RPS24: variants seen among roughly 807,000 people sequenced by gnomAD.
RPS24 encodes the protein small ribosomal subunit protein eS24.
For missense variants in RPS24, 100 were observed against 162.5 expected, an observed-to-expected ratio of 0.62 and a Z score of 2.09; for synonymous variants, 72 against 55.6, an observed-to-expected ratio of 1.30 and a Z score of -1.31.
downstream of RPS24, among the ~76,000 whole-genome samples, chr10:78,044,728 A>G (rs185816970): frequency 1.3e-5 from 2 of 150,904 alleles, no homozygotes; most frequent in East Asian, 3.9e-4. Flanking sequence ...GGTCCTGGTA[A>G]GAAACGAAGC....
chr10:78,054,733 A>G (rs1433648503), exon 5 of RPS24: 2 of 1,551,704 alleles, frequency 1.3e-6, no homozygotes, highest in South Asian at 2.4e-5. Flanking sequence ...ACCTGGAGGA[A>G]GACTGAAAAC....
intron 4 of RPS24, among the ~76,000 whole-genome samples, chr10:78,053,195 A>AAAG (rs1848117575): frequency 6.6e-6 from 1 of 151,510 alleles, no homozygotes; most frequent in African/African-American, 2.4e-5. Context: ...ACAAAAAAAA[A>AAAG]AAAAGAAAAG....
At chr10:78,051,466 T>A (rs1848097956) in intron 4 of RPS24, among the ~76,000 whole-genome samples, 1 of 152,266 alleles carries the variant, frequency 6.6e-6, no homozygotes, top group Non-Finnish European at 1.5e-5. Context: ...TTGTGTGGAT[T>A]TACCACGTCA....
downstream of RPS24, among the ~76,000 whole-genome samples, chr10:78,043,896 C>T (rs964293897): frequency 1.3e-5 from 2 of 152,132 alleles, no homozygotes; most frequent in African/African-American, 4.8e-5. Context: ...AGTGATGATC[C>T]TCTTGAAGTG....
intron 4 of RPS24, among the ~76,000 whole-genome samples, chr10:78,052,039 A>ATTTATTTG (rs1308661123): frequency 6.6e-6 from 1 of 151,638 alleles, no homozygotes; most frequent in Non-Finnish European, 1.5e-5. Context: ...TTATTTATTT[A>ATTTATTTG]TTTTGAGACA....
chr10:78,047,735 C>T (rs1489414990), intron 4 of RPS24, among the ~76,000 whole-genome samples: 2 of 152,190 alleles, frequency 1.3e-5, no homozygotes, highest in East Asian at 3.9e-4. Flanking sequence ...AAACAGCATT[C>T]CCCCTTTTGT....
chr10:78,042,684 T>C (rs1297707086), downstream of RPS24, among the ~76,000 whole-genome samples: 1 of 152,124 alleles, frequency 6.6e-6, no homozygotes, highest in Non-Finnish European at 1.5e-5. Context: ...GATGGGAAGC[T>C]GTGGCTTAGA....
At chr10:78,054,134 A>C (rs1002993324) in intron 4 of RPS24, among the ~76,000 whole-genome samples, 8 of 151,986 alleles carry the variant, frequency 5.3e-5, no homozygotes, top group Admixed American at 5.2e-4. Context: ...TGTTGGGCGA[A>C]TGGCCAGAGA....
chr10:78,037,571 C>A (rs1847899654), intron 4 of RPS24: 1 of 452,294 alleles, frequency 2.2e-6, no homozygotes, highest in Non-Finnish European at 3.9e-6. Flanking sequence ...TGGTGGGCAC[C>A]TTTCAAGCCT....
At position 78,033,910 on chromosome 10, in the gene RPS24, T is replaced by C. The variant is rs1281811720; in HGVS notation, c.3+6T>C. 2 of 1,614,032 alleles carry C rather than the reference T, an allele frequency of 1.2e-6. No homozygotes were observed. The highest frequency in any genetic ancestry group is 8.5e-7 in the Non-Finnish European group (1 of 1,179,942). On this transcript the variant is annotated splice_donor_region_variant and intron_variant, in intron 1 of 5. Coordinates refer to ENST00000372360, the MANE Select transcript of RPS24 (RefSeq NM_033022.4). ...GAAGATAGATCGCCATCATGGTGAG[T>C]CTCCCTGGGCCCGTGCAGTCATCTG...
At chr10:78,051,957 C>G (rs1324948908) in intron 4 of RPS24, among the ~76,000 whole-genome samples, 1 of 152,082 alleles carries the variant, frequency 6.6e-6, no homozygotes, top group Non-Finnish European at 1.5e-5. Context: ...GGATGCAAAT[C>G]TCTTATCAGA....
chr10:78,040,791 A>G (rs1001178190), downstream of RPS24: 194 of 884,236 alleles, frequency 2.2e-4, 5 homozygotes, highest in South Asian at 2.6e-3. Context: ...CACATGCTCC[A>G]TGAAGCATTC....
downstream of RPS24, among the ~76,000 whole-genome samples, chr10:78,043,961 C>CCCTT (rs10644861): frequency 0.18 from 27,891 of 152,002 alleles, 5,704 homozygotes; most frequent in African/African-American, 0.5. Flanking sequence ...TCATTTACCT[C>CCCTT]CCTCTCCCTT....
chr10:78,043,911 C>G (rs548243958), downstream of RPS24, among the ~76,000 whole-genome samples: 4 of 152,256 alleles, frequency 2.6e-5, no homozygotes, highest in African/African-American at 9.6e-5. Flanking sequence ...GAAGTGTCAT[C>G]AGAAGGTCAA....
At chr10:78,049,824 G>A (rs1027571513) in intron 4 of RPS24, among the ~76,000 whole-genome samples, 4 of 152,160 alleles carry the variant, frequency 2.6e-5, no homozygotes, top group African/African-American at 9.7e-5. Context: ...CTCTTCCATC[G>A]GCTGGGACTT....
chr10:78,038,167 A>G (rs974544473), intron 4 of RPS24: 11 of 305,214 alleles, frequency 3.6e-5, no homozygotes, highest in Non-Finnish European at 5.8e-5. Flanking sequence ...CACCAACCTA[A>G]TATGTTTTAA....
At chr10:78,050,301 C>A (rs751318036) in intron 4 of RPS24, among the ~76,000 whole-genome samples, 2 of 152,148 alleles carry the variant, frequency 1.3e-5, no homozygotes, top group Non-Finnish European at 2.9e-5. Flanking sequence ...TTCCCAGGGA[C>A]AAGATGCTGA....
At chr10:78,043,854 TATC>T (rs572924056), downstream of RPS24, among the ~76,000 whole-genome samples, 68 of 152,222 alleles carry the variant, frequency 4.5e-4, no homozygotes, top group Admixed American at 6.5e-4. Flanking sequence ...TCTGGAAAAT[TATC>T]ATGGCTAAAT....
At chr10:78,037,510 T>A (rs1238992679) in intron 4 of RPS24, 16 of 726,886 alleles carry the variant, frequency 2.2e-5, no homozygotes, top group Non-Finnish European at 3.4e-5. Context: ...GGCCCACCCC[T>A]TGTCAGCTCA....
Sources: gnomAD v4.1 joint callset for allele counts (sites outside exome capture counted in the v4.1 genomes callset) on GRCh38, gnomAD v4.1.1 for gene constraint, MANE v1.5 for transcripts, NCBI Gene and HGNC (gene_info 2026-07-23, HGNC 2026-07-21) for gene names.